TRDN: variants seen among roughly 807,000 people sequenced by gnomAD.
The protein encoded by TRDN is triadin in skeletal muscle.
A neutral mutation model predicts 149.7 loss-of-function variants in TRDN; 161 were observed. The ratio of observed to expected loss-of-function variants is 1.08; its 90% CI spans 0.95 to 1.23. TRDN has a LOEUF of 1.23. Ranked by LOEUF, TRDN falls within the 50% of genes most tolerant of loss-of-function variation. The probability of loss-of-function intolerance (pLI) is 0.00; values close to 1 mark genes in which losing one functional copy is unlikely to be tolerated. For missense variants in TRDN, 896 were observed against 823.5 expected, an observed-to-expected ratio of 1.09 and a Z score of -1.08; for synonymous variants, 294 against 250.5, an observed-to-expected ratio of 1.17 and a Z score of -1.64.
chr6:123,623,481 G>T (rs907880485), intron 1 of TRDN, among the ~76,000 whole-genome samples: 3 of 152,016 alleles, frequency 2.0e-5, no homozygotes, highest in Admixed American at 2.0e-4. Context: ...ATGGTGAGAG[G>T]TGCTACTGGG....
chr6:123,626,875 A>G (rs924258768), intron 1 of TRDN, among the ~76,000 whole-genome samples: 2 of 151,524 alleles, frequency 1.3e-5, no homozygotes, highest in African/African-American at 4.8e-5. Flanking sequence ...TCCCTATGTC[A>G]CCTATAGCCT....
At chr6:123,316,284 T>A (rs1779017416) in intron 24 of TRDN, among the ~76,000 whole-genome samples, 173 bp downstream of exon 24, 1 of 151,908 alleles carries the variant, frequency 6.6e-6, no homozygotes, top group Admixed American at 6.6e-5. Context: ...TTAGCATACA[T>A]TTAGTTTTAT....
chr6:123,612,973 A>G (rs1402993452), intron 1 of TRDN, among the ~76,000 whole-genome samples: 1 of 152,126 alleles, frequency 6.6e-6, no homozygotes, highest in Non-Finnish European at 1.5e-5. Flanking sequence ...CTATAATTCC[A>G]CCTACTTATC....
chr6:123,378,456 G>C (rs1214483245), intron 16 of TRDN, among the ~76,000 whole-genome samples: 1 of 7,524 alleles, frequency 1.3e-4, no homozygotes, highest in Non-Finnish European at 3.1e-4. Flanking sequence ...GATTTGTAGT[G>C]TGTGTGTGTG....
At position 123,315,922 on chromosome 6, in the gene TRDN, C is replaced by CCAATA. The variant is rs746722469; in HGVS notation, c.1510+530_1510+534dup. 1.3e-4 allele frequency among the ~76,000 whole-genome samples: 19 copies of CCAATA among 151,882 alleles called. 1 individual carries two copies. In the East Asian group the frequency reaches 2.5e-3, roughly 20 times the overall value. ...AGTATTTCAGCTTTCAAATTAATGG[C>CCAATA]CAATAGGTCAATGGATTACTTCTCC... On this transcript the variant is annotated intron_variant, in intron 24 of 40. Transcript: ENST00000334268.
At chr6:123,257,046 T>A (rs1405507329) in intron 35 of TRDN, among the ~76,000 whole-genome samples, 1 of 151,646 alleles carries the variant, frequency 6.6e-6, no homozygotes, top group Non-Finnish European at 1.5e-5. Context: ...AGTGGCATGA[T>A]CTTGGCTCAC....
At chr6:123,529,267 T>C (rs1340630875) in intron 5 of TRDN, 1 of 1,548,980 alleles carries the variant, frequency 6.5e-7, no homozygotes. Context: ...GCTTAGTCAA[T>C]CCGTACTCAA....
intron 12 of TRDN, among the ~76,000 whole-genome samples, chr6:123,422,145 G>A (rs1773932577): frequency 6.6e-6 from 1 of 152,078 alleles, no homozygotes. Flanking sequence ...TAGGTTATAT[G>A]CAAATATTAT....
chr6:123,599,083 C>G (rs9490829), intron 1 of TRDN, among the ~76,000 whole-genome samples: 1 of 151,966 alleles, frequency 6.6e-6, no homozygotes, highest in African/African-American at 2.4e-5. Flanking sequence ...AGCAATATGT[C>G]AGGCACAATA....
intron 24 of TRDN, among the ~76,000 whole-genome samples, chr6:123,291,020 G>C (rs911010879): frequency 6.6e-6 from 1 of 151,846 alleles, no homozygotes; most frequent in African/African-American, 2.4e-5. Context: ...AGCCAGACAT[G>C]GTGGCACATA....
chr6:123,306,984 AT>A (rs886203249), intron 24 of TRDN, among the ~76,000 whole-genome samples: 3 of 152,128 alleles, frequency 2.0e-5, no homozygotes, highest in African/African-American at 7.2e-5. Context: ...AAGCATAGTC[AT>A]TTTTTGTTGT....
intron 23 of TRDN, among the ~76,000 whole-genome samples, chr6:123,320,388 T>A (rs922441906): frequency 3.9e-5 from 6 of 151,986 alleles, no homozygotes; most frequent in Non-Finnish European, 8.8e-5. Flanking sequence ...ATGATTTTTT[T>A]ATTTTCCCTA....
intron 28 of TRDN, 70 bp from the exon 29 acceptor site, chr6:123,273,081 A>T: frequency 1.0e-6 from 1 of 1,000,762 alleles, no homozygotes; most frequent in Non-Finnish European, 1.4e-6. Flanking sequence ...AGATTTTAGC[A>T]AATGTGCCCA....
intron 38 of TRDN, among the ~76,000 whole-genome samples, chr6:123,230,126 G>A (rs1775543281): frequency 1.3e-5 from 2 of 151,828 alleles, no homozygotes; most frequent in Admixed American, 6.6e-5. Flanking sequence ...GCAAAGACTT[G>A]GAACCAACCC....
chr6:123,394,270 T>C (rs1037268288), intron 12 of TRDN, among the ~76,000 whole-genome samples: 1 of 152,042 alleles, frequency 6.6e-6, no homozygotes, highest in African/African-American at 2.4e-5. Context: ...TTTTTCTCCT[T>C]TGTTCAGAAT....
intron 38 of TRDN, among the ~76,000 whole-genome samples, chr6:123,242,966 A>T (rs371513905): frequency 6.6e-6 from 1 of 152,300 alleles, no homozygotes; most frequent in Non-Finnish European, 1.5e-5. Context: ...CTGAGAGCTC[A>T]GCTCCAAAAG....
chr6:123,382,780 A>G (rs2114422979), intron 14 of TRDN, among the ~76,000 whole-genome samples: 1 of 152,106 alleles, frequency 6.6e-6, no homozygotes, highest in East Asian at 1.9e-4. Context: ...GTAGACGGGC[A>G]TTCAGCCTAG....
chr6:123,274,526 G>T (rs990576617), intron 27 of TRDN, 115 bp downstream of exon 27: 4 of 859,688 alleles, frequency 4.7e-6, no homozygotes, highest in Non-Finnish European at 5.2e-6. Context: ...ACAAAATAAT[G>T]AGGAACTTGG....
intron 20 of TRDN, among the ~76,000 whole-genome samples, chr6:123,353,824 C>T (rs80271403): frequency 6.6e-6 from 1 of 151,734 alleles, no homozygotes; most frequent in African/African-American, 2.4e-5. Context: ...ATAGAGCAAA[C>T]CATGTGACTG....
Sources: gnomAD v4.1 joint callset for allele counts (sites outside exome capture counted in the v4.1 genomes callset) on GRCh38, gnomAD v4.1.1 for gene constraint, MANE v1.5 for transcripts, NCBI Gene and HGNC (gene_info 2026-07-23, HGNC 2026-07-21) for gene names.